Variants in PBX3 observed in about 807,000 individuals in gnomAD.
PBX3 encodes pre-B-cell leukemia transcription factor 3.
In PBX3, 14 loss-of-function variants were observed where a neutral mutation model predicts 48.5. That is an observed-to-expected ratio of 0.29 (90% CI 0.19 to 0.45). The LOEUF (loss-of-function observed/expected upper bound fraction) is 0.45. PBX3 is among the 20% of genes least tolerant of loss of function. PBX3 has a pLI of 1.00. For synonymous variants in PBX3, 210 were observed against 200.3 expected, an observed-to-expected ratio of 1.05 and a Z score of -0.41; for missense variants, 386 against 546.7, an observed-to-expected ratio of 0.71 and a Z score of 2.93.
rs544270795 is a variant in PBX3 at position 125,959,039 on chromosome 9, C to CA, written c.844-1644dup. On this transcript the variant is annotated intron_variant, in intron 5 of 8. Coordinates refer to ENST00000373489, the MANE Select transcript of PBX3 (RefSeq NM_006195.6). ...GACACTGCTGAGAGGTCAGACTAGT[C>CA]AGAGAGACAAGGCCATTGGATTTGG... Among the ~76,000 whole-genome samples the CA allele has an allele frequency of 3.9e-4, 60 of 152,304 alleles. 1 individual carries two copies. The East Asian group carries it at 9.8e-3, about 25-fold the overall frequency.
chr9:125,782,180 A>G (rs146229728), intron 2 of PBX3, among the ~76,000 whole-genome samples: 36 of 152,318 alleles, frequency 2.4e-4, no homozygotes, highest in African/African-American at 8.4e-4. Flanking sequence ...GGGAGGCCTC[A>G]TAATCATGGT....
chr9:125,790,138 C>G (rs945359456), intron 2 of PBX3, among the ~76,000 whole-genome samples: 5 of 152,154 alleles, frequency 3.3e-5, no homozygotes, highest in Admixed American at 3.3e-4. Context: ...AATGATACTT[C>G]TACTCTTGAT....
At chr9:125,910,008 C>T (rs1422957385) in intron 2 of PBX3, among the ~76,000 whole-genome samples, 9 of 152,074 alleles carry the variant, frequency 5.9e-5, no homozygotes, top group Admixed American at 4.6e-4. Flanking sequence ...TGTAATAAAG[C>T]GATGGATTGA....
chr9:125,767,830 G>A lies in PBX3; in HGVS notation c.274+19207G>A, dbSNP rs151236964. Among the ~76,000 whole-genome samples, 1,274 of 152,224 alleles carry A rather than the reference G, an allele frequency of 8.4e-3. 20 individuals carry two copies. The highest frequency in any genetic ancestry group is 0.029 in the African/African-American group (1,224 of 41,528). On this transcript the variant is annotated intron_variant, in intron 2 of 8. Coordinates refer to ENST00000373489, the MANE Select transcript of PBX3 (RefSeq NM_006195.6). Reference sequence around the variant, plus strand: ...TCTACAAACACTCAGACCACCAGTCGTTTCTGAGTGTAGTGAATCTTTGAG... The same window carrying A: ...TCTACAAACACTCAGACCACCAGTCATTTCTGAGTGTAGTGAATCTTTGAG...
chr9:125,947,992 CACAT>C (rs1842100990), intron 5 of PBX3, among the ~76,000 whole-genome samples: 1 of 152,248 alleles, frequency 6.6e-6, no homozygotes, highest in East Asian at 1.9e-4. Flanking sequence ...AACAAGCAGA[CACAT>C]ACATATAAGT....
chr9:125,818,742 C>T (rs542624731), intron 2 of PBX3, among the ~76,000 whole-genome samples: 28 of 152,198 alleles, frequency 1.8e-4, no homozygotes, highest in Non-Finnish European at 3.2e-4. Context: ...ACCTGCCCGC[C>T]TCAGCTTCCC....
intron 2 of PBX3, among the ~76,000 whole-genome samples, chr9:125,875,667 C>T (rs1001530047): frequency 2.0e-5 from 3 of 152,234 alleles, no homozygotes; most frequent in Admixed American, 1.3e-4. Flanking sequence ...GCCGCCACCT[C>T]GCTTTTCTAA....
At chr9:125,807,115 G>A (rs1442529840) in intron 2 of PBX3, among the ~76,000 whole-genome samples, 1 of 152,220 alleles carries the variant, frequency 6.6e-6, no homozygotes, top group African/African-American at 2.4e-5. Flanking sequence ...TTGAGGCCAG[G>A]AGTTTGAGAC....
At chr9:125,944,094 G>A (rs981320062) in intron 5 of PBX3, among the ~76,000 whole-genome samples, 4 of 152,194 alleles carry the variant, frequency 2.6e-5, no homozygotes, top group Admixed American at 6.5e-5. Flanking sequence ...GTAGTCCAAA[G>A]GGTGAAGATA....
intron 2 of PBX3, among the ~76,000 whole-genome samples, chr9:125,871,150 G>C (rs149606280): frequency 0.037 from 5,635 of 152,224 alleles, 371 homozygotes; most frequent in African/African-American, 0.13. Context: ...TGTAATCCCA[G>C]CACTTTGGGA....
intron 5 of PBX3, among the ~76,000 whole-genome samples, chr9:125,936,119 A>G (rs1357966615): frequency 1.3e-5 from 2 of 152,232 alleles, no homozygotes; most frequent in African/African-American, 4.8e-5. Context: ...CACAAGAATT[A>G]AATTCATGCT....
intron 2 of PBX3, among the ~76,000 whole-genome samples, chr9:125,909,688 A>G (rs903186868): frequency 6.6e-6 from 1 of 152,154 alleles, no homozygotes; most frequent in African/African-American, 2.4e-5. Context: ...CTAGGGAATT[A>G]CACTGTCATA....
At chr9:125,928,731 C>T (rs1274486332) in intron 3 of PBX3, among the ~76,000 whole-genome samples, 1 of 152,116 alleles carries the variant, frequency 6.6e-6, no homozygotes, top group Non-Finnish European at 1.5e-5. Flanking sequence ...TCCCAATGTG[C>T]TGGGATTACA....
chr9:125,818,369 CTG>C (rs1356267327), intron 2 of PBX3, among the ~76,000 whole-genome samples: 2 of 150,610 alleles, frequency 1.3e-5, no homozygotes, highest in Non-Finnish European at 2.9e-5. Flanking sequence ...CTCACTCACT[CTG>C]TCACCCAGGA....
chr9:125,825,617 A>ACATGAGTATACAGAAAATGAG (rs1166898349), intron 2 of PBX3, among the ~76,000 whole-genome samples: 4 of 152,124 alleles, frequency 2.6e-5, no homozygotes, highest in Non-Finnish European at 5.9e-5. Context: ...TCATGAACAA[A>ACATGAGTATACAGAAAATGAG]TTAGAGTTAA....
At chr9:125,860,537 G>C (rs559219537) in intron 2 of PBX3, among the ~76,000 whole-genome samples, 2 of 152,222 alleles carry the variant, frequency 1.3e-5, no homozygotes, top group South Asian at 4.1e-4. Flanking sequence ...GGGGAAATTG[G>C]GTAAGAAATT....
Position 125,943,352 on chromosome 9 carries a change from C to CAAAAA in PBX3, c.843+7788_843+7792dup, listed in dbSNP as rs60326557. Among the ~76,000 whole-genome samples, 8 of 60,880 alleles carry CAAAAA rather than the reference C, an allele frequency of 1.3e-4. 1 individual carries two copies. The highest frequency in any genetic ancestry group is 1.1e-4 in the African/African-American group (2 of 17,732). 39.9% of individuals were successfully genotyped at this position (60,880 alleles called of 152,430 possible). On this transcript the variant is annotated intron_variant, in intron 5 of 8. Transcript: ENST00000373489. ...CTTGGGCTGCAGAGTGAGACTGTCTCAAAAAAAAAAAAAAAAAAAAAAAAA... is the reference window on the plus strand; with the variant it reads ...CTTGGGCTGCAGAGTGAGACTGTCTCAAAAAAAAAAAAAAAAAAAAAAAAAAAAAA...
chr9:125,832,490 C>T (rs1254273554), intron 2 of PBX3, among the ~76,000 whole-genome samples: 1 of 152,202 alleles, frequency 6.6e-6, no homozygotes, highest in African/African-American at 2.4e-5. Flanking sequence ...CCCCTGCGCC[C>T]AGCCTAATGG....
intron 2 of PBX3, among the ~76,000 whole-genome samples, chr9:125,818,284 A>T (rs1158044809): frequency 1.3e-5 from 2 of 151,878 alleles, no homozygotes; most frequent in African/African-American, 4.8e-5. Flanking sequence ...AACATTTCTT[A>T]CTTAAGTTAT....
Sources: allele counts gnomAD v4.1 joint callset (sites outside exome capture counted in the v4.1 genomes callset), GRCh38; gene constraint gnomAD v4.1.1; transcripts MANE v1.5; gene names NCBI Gene and HGNC (gene_info 2026-07-23, HGNC 2026-07-21).